Variants in NIPAL2 observed in about 807,000 individuals in gnomAD.
The protein encoded by NIPAL2 is NIPA-like protein 2.
NIPAL2 carries 43 observed loss-of-function variants against 48.9 expected under a neutral mutation model. The observed-to-expected ratio is 0.88, with a 90% CI of 0.69 to 1.13. The LOEUF (loss-of-function observed/expected upper bound fraction) is 1.13. NIPAL2 is among the 50% of genes most tolerant of loss of function. The probability of loss-of-function intolerance (pLI) is 0.00; values close to 1 mark genes in which losing one functional copy is unlikely to be tolerated. For synonymous variants in NIPAL2, 167 were observed against 174.6 expected, an observed-to-expected ratio of 0.96 and a Z score of 0.34; for missense variants, 446 against 461.4, an observed-to-expected ratio of 0.97 and a Z score of 0.31.
intron 2 of NIPAL2, 134 bp from the exon 3 acceptor site, chr8:98,252,768 T>C: frequency 1.3e-6 from 1 of 769,556 alleles, no homozygotes; most frequent in South Asian, 2.3e-5. Flanking sequence ...TAAGAACGAA[T>C]ACATTTTTGG....
intron 4 of NIPAL2, among the ~76,000 whole-genome samples, chr8:98,233,588 T>C (rs1179810394): frequency 6.6e-6 from 1 of 152,224 alleles, no homozygotes. Context: ...GTACAGTTGA[T>C]AGCCAGAGTT....
At chr8:98,254,206 C>T (rs2130833348) in intron 1 of NIPAL2, 119 bp from the exon 2 acceptor site, 2 of 689,434 alleles carry the variant, frequency 2.9e-6, no homozygotes, top group South Asian at 4.8e-5. Flanking sequence ...GCACCCATTT[C>T]CCAGGGTAGG....
rs899463376 is a variant in NIPAL2, at chr8:98,192,440, G to A, written c.*538C>T. 8 of 152,538 alleles carry A rather than the reference G, an allele frequency of 5.2e-5. No individual in the cohort carries two copies. The highest frequency in any genetic ancestry group is 1.9e-4 in the African/African-American group (8 of 41,560). The allele number at this position is 152,538 out of a possible 1,614,324, so 9.4% of individuals were successfully genotyped here. On this transcript the variant is annotated 3_prime_UTR_variant, in exon 11 of 11. Transcript: ENST00000430223. Reference sequence around the variant, plus strand: ...TTTAAAGAGACCCTTAATTTTCAAAGGAGGACTTTGATAGCATTAGTTTTC... The same window carrying A: ...TTTAAAGAGACCCTTAATTTTCAAAAGAGGACTTTGATAGCATTAGTTTTC...
chr8:98,254,667 T>A (rs1265405615), intron 1 of NIPAL2, among the ~76,000 whole-genome samples: 1 of 152,246 alleles, frequency 6.6e-6, no homozygotes, highest in Non-Finnish European at 1.5e-5. Context: ...GTCAAAAACC[T>A]AAAATGATTC....
intron 1 of NIPAL2, among the ~76,000 whole-genome samples, chr8:98,280,792 A>AGAGAGAGAGAGAGAGAGAG (rs1815783724): frequency 5.7e-5 from 8 of 139,506 alleles, no homozygotes; most frequent in Non-Finnish European, 7.8e-5. Context: ...AGAGAGAGAG[A>AGAGAGAGAGAGAGAGAGAG]AAGCGAGAGA....
chr8:98,280,814 C>T (rs757409122), intron 1 of NIPAL2, among the ~76,000 whole-genome samples: 12 of 128,928 alleles, frequency 9.3e-5, no homozygotes, highest in Admixed American at 4.0e-4. Flanking sequence ...ACAAATATTT[C>T]ACAATGTTAA....
intron 1 of NIPAL2, among the ~76,000 whole-genome samples, chr8:98,263,483 A>T (rs1287840649): frequency 1.3e-5 from 2 of 150,830 alleles, no homozygotes; most frequent in Admixed American, 6.6e-5. Flanking sequence ...AACTACCATC[A>T]GAGAATACTA....
At chr8:98,231,806 T>C (rs1040540446) in intron 4 of NIPAL2, 1 of 152,204 alleles carries the variant, frequency 6.6e-6, no homozygotes, top group Non-Finnish European at 1.5e-5. Flanking sequence ...TGTTTCCACA[T>C]GGTCCCCAAA....
At chr8:98,203,295 C>CA in intron 7 of NIPAL2, 99 bp from the exon 8 acceptor site, 1 of 873,898 alleles carries the variant, frequency 1.1e-6, no homozygotes, top group Non-Finnish European at 1.9e-6. Flanking sequence ...GCTACAACTA[C>CA]AAAGGGAAAG....
rs149567296 is a variant in NIPAL2 at position 98,222,597 on chromosome 8, G to A, written c.440C>T (p.Thr147Met). 1.7e-5 allele frequency: 28 copies of A among 1,607,496 alleles called. No individual in the cohort carries two copies. Among genetic ancestry groups the A allele is most frequent in the Middle Eastern group, 1.6e-4 (1 of 6,064 alleles). The change falls in exon 5 of 11, where the codon ACG (threonine) becomes ATG (methionine). Residue 147 changes from threonine (T) to methionine (M), a missense_variant. Coordinates refer to ENST00000430223, the MANE Select transcript of NIPAL2 (RefSeq NM_001321635.2). ...DNLRASDLLG[T>M]TLAFAGTYLL... is the part of the protein sequence containing the mutation. The stretch of plus-strand genomic sequence containing the variant: ...ATATGTTCCTGCAAATGCCAGTGTC[G>A]TACCTTTAAATAAAATTGAAAAGAA...
At chr8:98,275,345 C>G (rs1815400690) in intron 1 of NIPAL2, among the ~76,000 whole-genome samples, 1 of 152,134 alleles carries the variant, frequency 6.6e-6, no homozygotes, top group Non-Finnish European at 1.5e-5. Flanking sequence ...AATATTGTTA[C>G]ATACCTAGAA....
At chr8:98,238,703 TTTC>T (rs1232369978) in intron 3 of NIPAL2, among the ~76,000 whole-genome samples, 61 of 152,122 alleles carry the variant, frequency 4.0e-4, no homozygotes, top group Non-Finnish European at 7.5e-4. Context: ...GGAATGGAAG[TTTC>T]ACACAGGGTA....
intron 1 of NIPAL2, among the ~76,000 whole-genome samples, chr8:98,287,248 A>G (rs1816229737): frequency 6.6e-6 from 1 of 152,194 alleles, no homozygotes; most frequent in Non-Finnish European, 1.5e-5. Flanking sequence ...GCCACCAAAC[A>G]CCTCTATCAG....
intron 1 of NIPAL2, among the ~76,000 whole-genome samples, chr8:98,264,482 A>G (rs1004447992): frequency 2.0e-5 from 3 of 150,476 alleles, no homozygotes; most frequent in Non-Finnish European, 4.4e-5. Flanking sequence ...CTTATACACC[A>G]GCAATAGACA....
At chr8:98,220,505 G>A (rs1229239785) in intron 5 of NIPAL2, among the ~76,000 whole-genome samples, 3 of 151,650 alleles carry the variant, frequency 2.0e-5, no homozygotes, top group Non-Finnish European at 4.4e-5. Flanking sequence ...TGACCTCCTG[G>A]GCTCAAGATC....
intron 1 of NIPAL2, among the ~76,000 whole-genome samples, chr8:98,259,776 C>T (rs1487000190): frequency 1.3e-5 from 2 of 152,176 alleles, no homozygotes; most frequent in Non-Finnish European, 2.9e-5. Flanking sequence ...TGTCTATGGC[C>T]TTAATCAATA....
chr8:98,202,548 T>C (rs1029351412), intron 8 of NIPAL2, among the ~76,000 whole-genome samples: 3 of 152,196 alleles, frequency 2.0e-5, no homozygotes, highest in Non-Finnish European at 4.4e-5. Flanking sequence ...TTAAAGAGAC[T>C]GGGACCTACC....
chr8:98,236,680 A>T (rs1812731345), intron 3 of NIPAL2, among the ~76,000 whole-genome samples: 1 of 151,734 alleles, frequency 6.6e-6, no homozygotes, highest in African/African-American at 2.4e-5. Flanking sequence ...GAAACACCCC[A>T]TCTCTACTTA....
intron 1 of NIPAL2, among the ~76,000 whole-genome samples, chr8:98,293,715 G>A (rs1816611994): frequency 6.6e-6 from 1 of 152,222 alleles, no homozygotes; most frequent in South Asian, 2.1e-4. Flanking sequence ...AGGCGGGATC[G>A]GGACCCGGAG....
Sources: gnomAD v4.1 joint callset for allele counts (sites outside exome capture counted in the v4.1 genomes callset) on GRCh38, gnomAD v4.1.1 for gene constraint, MANE v1.5 for transcripts, NCBI Gene and HGNC (gene_info 2026-07-23, HGNC 2026-07-21) for gene names.